The following AGMO variants were observed in gnomAD, a reference collection of about 807,000 sequenced individuals.
AGMO encodes the protein glyceryl-ether monooxygenase.
Under a neutral mutation model 60.2 loss-of-function variants are expected in AGMO, and 75 were observed. The ratio of observed to expected loss-of-function variants is 1.25; its 90% CI spans 1.03 to 1.51. The LOEUF (loss-of-function observed/expected upper bound fraction) is 1.51, where lower values mean the gene tolerates loss of function less well. Among genes scored for constraint, AGMO ranks in the 40% most tolerant of loss-of-function variants. The pLI is 0.00. For synonymous variants in AGMO, 261 were observed against 177.1 expected (o/e 1.47, Z -3.76); for missense variants, 763 against 525.5 (o/e 1.45, Z -4.42).
chr7:15,441,937 AG>A (rs1781569064), intron 3 of AGMO, among the ~76,000 whole-genome samples: 1 of 152,194 alleles, frequency 6.6e-6, no homozygotes, highest in Non-Finnish European at 1.5e-5. Context: ...AAATCTTACC[AG>A]GATCTCTTTG....
chr7:15,171,673 T>C, the AGMO span, among the ~76,000 whole-genome samples: 1 of 152,256 alleles, frequency 6.6e-6, no homozygotes, highest in Non-Finnish European at 1.5e-5. Context: ...TTATAATTTG[T>C]ATCATTAAAT....
At chr7:15,372,486 T>G (rs1783260161) in intron 10 of AGMO, among the ~76,000 whole-genome samples, 1 of 152,090 alleles carries the variant, frequency 6.6e-6, no homozygotes, top group Non-Finnish European at 1.5e-5. Flanking sequence ...ATTCTACAAA[T>G]TCATTCCATG....
At chr7:15,349,562 A>G (rs868650257) in intron 12 of AGMO, among the ~76,000 whole-genome samples, 3 of 152,092 alleles carry the variant, frequency 2.0e-5, no homozygotes, top group African/African-American at 2.4e-5. Context: ...CTCATTTCTC[A>G]CAGGTTCCTA....
chr7:15,334,618 T>C (rs760021589), intron 12 of AGMO, among the ~76,000 whole-genome samples: 7 of 152,168 alleles, frequency 4.6e-5, no homozygotes, highest in East Asian at 1.9e-4. Flanking sequence ...GCAGGTGTAT[T>C]TTTATTAGCT....
chr7:15,314,863 C>A (rs974376643), intron 12 of AGMO, among the ~76,000 whole-genome samples: 13 of 151,426 alleles, frequency 8.6e-5, no homozygotes, highest in Admixed American at 5.9e-4. Flanking sequence ...TTGCTAGAGG[C>A]AGAATAGAAA....
chr7:15,354,376 G>A (rs1271979794), intron 12 of AGMO, among the ~76,000 whole-genome samples: 1,787 of 31,774 alleles, frequency 0.056, 222 homozygotes, highest in African/African-American at 0.099. Flanking sequence ...ATAGACGTGT[G>A]TATACACGTG....
At chr7:15,378,712 C>T (rs1347828023) in intron 10 of AGMO, among the ~76,000 whole-genome samples, 1 of 151,146 alleles carries the variant, frequency 6.6e-6, no homozygotes, top group Non-Finnish European at 1.5e-5. Context: ...ACAGTCAGAA[C>T]TCTCCACCCA....
intron 12 of AGMO, among the ~76,000 whole-genome samples, chr7:15,203,144 A>G (rs890326799): frequency 4.6e-5 from 7 of 152,154 alleles, no homozygotes; most frequent in South Asian, 2.1e-4. Flanking sequence ...GTGAAACCTC[A>G]TAAGTTGTAT....
At chr7:15,352,370 C>A (rs1352023080) in intron 12 of AGMO, among the ~76,000 whole-genome samples, 1 of 152,018 alleles carries the variant, frequency 6.6e-6, no homozygotes, top group Non-Finnish European at 1.5e-5. Context: ...TTGGCTGCCA[C>A]TATCACAGTC....
intron 2 of AGMO, 87 bp downstream of exon 2, chr7:15,560,054 T>G (rs1785261056): frequency 8.0e-7 from 1 of 1,252,212 alleles, no homozygotes; most frequent in South Asian, 2.3e-5. Flanking sequence ...GTAAATAAAC[T>G]AATTCTCCCA....
At chr7:15,537,958 G>A (rs1334291319) in intron 3 of AGMO, among the ~76,000 whole-genome samples, 3 of 151,950 alleles carry the variant, frequency 2.0e-5, no homozygotes, top group Non-Finnish European at 4.4e-5. Flanking sequence ...CATTTGACGT[G>A]GGATGGCGCC....
chr7:15,417,545 A>G (rs1435031807), intron 5 of AGMO, among the ~76,000 whole-genome samples: 1 of 152,200 alleles, frequency 6.6e-6, no homozygotes. Flanking sequence ...TTTGACCTCT[A>G]GAGTCAGAAT....
chr7:15,355,155 T>C (rs1467892889), intron 12 of AGMO, among the ~76,000 whole-genome samples: 2 of 151,998 alleles, frequency 1.3e-5, no homozygotes, highest in Admixed American at 1.3e-4. Context: ...TATACAAGAA[T>C]AGAGAAAAAT....
chr7:15,231,312 A>ATGAATACGATAGTTTGATGGAC lies in AGMO; in HGVS notation c.1264-29975_1264-29954dup, dbSNP rs1425058869. On this transcript the variant is annotated intron_variant, in intron 12 of 12. Transcript: ENST00000342526. ...CCTTTTTGTTTGACAATCAAAACTT[A>ATGAATACGATAGTTTGATGGAC]TGAATACGATAGTTTGATGGACTCT... Among the ~76,000 whole-genome samples, 3 of 152,252 alleles carry ATGAATACGATAGTTTGATGGAC rather than the reference A, an allele frequency of 2.0e-5. No homozygotes were observed. The East Asian group carries it at 5.8e-4, about 29-fold the overall frequency.
chr7:15,365,238 G>T (rs561941174), intron 12 of AGMO, among the ~76,000 whole-genome samples: 1 of 151,830 alleles, frequency 6.6e-6, no homozygotes, highest in East Asian at 1.9e-4. Flanking sequence ...TACATGGTCT[G>T]ATTTCTTTAT....
chr7:15,499,988 A>G (rs1177912929), intron 3 of AGMO, among the ~76,000 whole-genome samples: 2 of 150,754 alleles, frequency 1.3e-5, no homozygotes, highest in Non-Finnish European at 3.0e-5. Flanking sequence ...ATTTTGAAGT[A>G]AGAGTTAGTA....
At chr7:15,354,378 A>G (rs1394940224) in intron 12 of AGMO, among the ~76,000 whole-genome samples, 1 of 61,972 alleles carries the variant, frequency 1.6e-5, no homozygotes, top group African/African-American at 1.1e-4. Flanking sequence ...AGACGTGTGT[A>G]TACACGTGTG....
At chr7:15,414,064 G>A (rs902555570) in intron 5 of AGMO, among the ~76,000 whole-genome samples, 23 of 152,036 alleles carry the variant, frequency 1.5e-4, no homozygotes, top group African/African-American at 1.9e-4. Flanking sequence ...CTGGAGTGCA[G>A]TGGTGTGATC....
In AGMO at chr7:15,365,256, G is replaced by A. The variant is rs1562460659; in HGVS notation, c.1263+258C>T. 3.3e-5 allele frequency among the ~76,000 whole-genome samples: 5 copies of A among 151,626 alleles called. No individual in the cohort carries two copies. In the South Asian group the frequency reaches 1.0e-3, roughly 31 times the overall value. On this transcript the variant is annotated intron_variant, in intron 12 of 12. Transcript: ENST00000342526. The stretch of plus-strand genomic sequence containing the variant: ...ATGGTCTGATTTCTTTATAAAGGTT[G>A]TGTAATGTAATGTGTCCAACAACTC...
Sources: gnomAD v4.1 joint callset for allele counts (sites outside exome capture counted in the v4.1 genomes callset) on GRCh38, gnomAD v4.1.1 for gene constraint, MANE v1.5 for transcripts, NCBI Gene and HGNC (gene_info 2026-07-23, HGNC 2026-07-21) for gene names.